The following STK32A variants were observed in gnomAD, a reference collection of about 807,000 sequenced individuals.
The protein encoded by STK32A is serine/threonine-protein kinase 32A.
In STK32A, 41 loss-of-function variants were observed where a neutral mutation model predicts 53.2. The ratio of observed to expected loss-of-function variants is 0.77; its 90% CI spans 0.60 to 1.00. STK32A has a LOEUF of 1.00. STK32A is among the 50% of genes least tolerant of loss of function. STK32A has a pLI of 0.00. For synonymous variants in STK32A, 166 were observed against 162.8 expected, an observed-to-expected ratio of 1.02 and a Z score of -0.15; for missense variants, 458 against 485.8, an observed-to-expected ratio of 0.94 and a Z score of 0.54.
chr5:147,349,009 T>C (rs1356193310), intron 6 of STK32A, among the ~76,000 whole-genome samples: 1 of 152,144 alleles, frequency 6.6e-6, no homozygotes, highest in Non-Finnish European at 1.5e-5. Flanking sequence ...AGAAACAGGC[T>C]CTTCACCACA....
At chr5:147,396,962 GTT>G in the STK32A span, among the ~76,000 whole-genome samples, 1 of 131,394 alleles carries the variant, frequency 7.6e-6, no homozygotes, top group Admixed American at 7.9e-5. Context: ...ACGCATTTTT[GTT>G]TTTAATTATA....
intron 4 of STK32A, among the ~76,000 whole-genome samples, chr5:147,297,110 C>T (rs1191550273): frequency 6.6e-6 from 1 of 152,138 alleles, no homozygotes; most frequent in Non-Finnish European, 1.5e-5. Flanking sequence ...ATGTCTAAAC[C>T]AAGGATCAAC....
chr5:147,393,977 A>G, the STK32A span: 1 of 1,558,154 alleles, frequency 6.4e-7, no homozygotes, highest in Middle Eastern at 1.7e-4. Context: ...TCGGTGTACC[A>G]TTTTGGCTTC....
At chr5:147,320,270 C>T (rs1230971197) in intron 4 of STK32A, among the ~76,000 whole-genome samples, 2 of 152,258 alleles carry the variant, frequency 1.3e-5, no homozygotes, top group Non-Finnish European at 2.9e-5. Flanking sequence ...CAGCTTCAAG[C>T]TTGTGAGTGA....
chr5:147,239,565 T>C lies in STK32A; in HGVS notation c.-70T>C. On this transcript the variant is annotated 5_prime_UTR_variant, in exon 2 of 13. Transcript: ENST00000397936. ...TATCCAACTAAGGCTTCGGGACATG[T>C]TTTGAGCGAAGATGGGTGTTTCTGC... The C allele has an allele frequency of 3.2e-6, 4 of 1,252,738 alleles. No homozygotes were observed. Among genetic ancestry groups the C allele is most frequent in the Non-Finnish European group, 4.5e-6 (4 of 885,364 alleles). The allele number at this position is 1,252,738 out of a possible 1,614,324, so 77.6% of individuals were successfully genotyped here. A position where few individuals can be genotyped will look rare whatever the true frequency, so the allele number is the denominator to read the frequency against.
Position 147,272,800 on chromosome 5 carries a change from T to G in STK32A, c.53-5324T>G, listed in dbSNP as rs539807048. On this transcript the variant is annotated intron_variant, in intron 2 of 12. Coordinates refer to ENST00000397936, the MANE Select transcript of STK32A (RefSeq NM_001112724.2). ...GTCTCATCTTCAAAGTCAGCTGAGT[T>G]AGGTTTAATTAGCTCCATTTTACAG... 2.0e-5 allele frequency among the ~76,000 whole-genome samples: 3 copies of G among 152,350 alleles called. No individual in the cohort carries two copies. The East Asian group carries it at 5.8e-4, about 29-fold the overall frequency.
At chr5:147,314,970 C>T (rs1753919456) in intron 4 of STK32A, among the ~76,000 whole-genome samples, 1 of 151,914 alleles carries the variant, frequency 6.6e-6, no homozygotes, top group Admixed American at 6.6e-5. Context: ...GTCTGAAACT[C>T]CTGGGTTGAA....
chr5:147,334,483 G>T (rs150358924), intron 5 of STK32A, among the ~76,000 whole-genome samples: 1 of 152,222 alleles, frequency 6.6e-6, no homozygotes, highest in East Asian at 1.9e-4. Context: ...ATTAACCCTG[G>T]TATCAGATAA....
chr5:147,401,516 G>T, the STK32A span: 1 of 1,594,540 alleles, frequency 6.3e-7, no homozygotes, highest in Non-Finnish European at 8.6e-7. Context: ...CAAAACGCCT[G>T]CTGCTGGGCA....
chr5:147,393,774 C>T, the STK32A span: 26 of 483,486 alleles, frequency 5.4e-5, no homozygotes, highest in African/African-American at 4.9e-4. Context: ...ACTCTTTTAC[C>T]TTAGTGGCCT....
intron 7 of STK32A, among the ~76,000 whole-genome samples, chr5:147,352,357 C>CA (rs1400349801): frequency 2.0e-5 from 3 of 152,024 alleles, no homozygotes; most frequent in Non-Finnish European, 4.4e-5. Context: ...AAGGGGTGAC[C>CA]AAAAAGAGAG....
At chr5:147,261,509 T>A (rs1754569455) in intron 2 of STK32A, among the ~76,000 whole-genome samples, 1 of 152,100 alleles carries the variant, frequency 6.6e-6, no homozygotes, top group Non-Finnish European at 1.5e-5. Flanking sequence ...TAGCAGGTAA[T>A]CAGACTGACT....
At chr5:147,263,913 CA>C (rs1255654503) in intron 2 of STK32A, among the ~76,000 whole-genome samples, 1 of 152,088 alleles carries the variant, frequency 6.6e-6, no homozygotes, top group African/African-American at 2.4e-5. Flanking sequence ...ACATTCAACA[CA>C]AGTATATGAG....
At chr5:147,270,632 A>G (rs1754987873) in intron 2 of STK32A, among the ~76,000 whole-genome samples, 1 of 152,228 alleles carries the variant, frequency 6.6e-6, no homozygotes, top group African/African-American at 2.4e-5. Flanking sequence ...AAAAAATCTA[A>G]TAACTCATTA....
intron 7 of STK32A, among the ~76,000 whole-genome samples, chr5:147,355,901 C>T (rs1338365793): frequency 1.3e-5 from 2 of 151,556 alleles, no homozygotes; most frequent in African/African-American, 4.9e-5. Flanking sequence ...ACATTTTTTC[C>T]TAAGCACAAA....
intron 4 of STK32A, among the ~76,000 whole-genome samples, chr5:147,285,226 G>T (rs368932894): frequency 6.6e-6 from 1 of 152,144 alleles, no homozygotes; most frequent in African/African-American, 2.4e-5. Flanking sequence ...TCAACAAATG[G>T]TGCTGGGATA....
Position 147,345,171 on chromosome 5 carries a change from T to C in STK32A, c.472+2128T>C, listed in dbSNP as rs142125983. On this transcript the variant is annotated intron_variant, in intron 6 of 12. Transcript: ENST00000397936. ...CACTCATTTCCTAGCCCCGAGAGCT[T>C]TGACAAGTTGCCTAAACTTTGTCTT... 3.9e-5 allele frequency among the ~76,000 whole-genome samples: 6 copies of C among 152,338 alleles called. No individual in the cohort carries two copies. The East Asian group carries it at 1.2e-3, about 29-fold the overall frequency.
intron 2 of STK32A, among the ~76,000 whole-genome samples, chr5:147,261,533 G>A (rs1444852707): frequency 1.3e-5 from 2 of 152,172 alleles, no homozygotes; most frequent in Non-Finnish European, 2.9e-5. Context: ...AGTGGAGTAG[G>A]TGATCAGAAT....
intron 2 of STK32A, among the ~76,000 whole-genome samples, chr5:147,245,549 T>G (rs1753741814): frequency 6.6e-6 from 1 of 152,042 alleles, no homozygotes; most frequent in African/African-American, 2.4e-5. Context: ...CAGGAGAGAG[T>G]GGACTTGTTT....
Sources: allele counts gnomAD v4.1 joint callset (sites outside exome capture counted in the v4.1 genomes callset), GRCh38; gene constraint gnomAD v4.1.1; transcripts MANE v1.5; gene names NCBI Gene and HGNC (gene_info 2026-07-23, HGNC 2026-07-21).